Variants in KDM4E observed in about 807,000 individuals in gnomAD.
KDM4E encodes lysine-specific demethylase 4E.
For synonymous variants in KDM4E, 229 were observed against 232.9 expected (o/e 0.98, Z 0.15); for missense variants, 576 against 642.6 (o/e 0.90, Z 1.12).
rs557908104 is a variant in KDM4E at position 95,025,944 on chromosome 11, T to C, written c.387T>C (p.Asn129=). The C allele has an allele frequency of 7.6e-6, 12 of 1,575,232 alleles. No homozygotes were observed. The Middle Eastern group carries it at 8.3e-4, about 109-fold the overall frequency. The part of the protein sequence containing the change: ...EQRYWKSHPG[N]PPIYGADISG... ...GATACTGGAAGAGCCACCCCGGTAA[T>C]CCACCAATTTATGGTGCTGATATCA... The change falls in exon 1 of 1, where the codon AAT becomes AAC. Residue 129 remains asparagine (N), a synonymous_variant. Coordinates refer to ENST00000450979, the MANE Select transcript of KDM4E (RefSeq NM_001161630.1).
rs1471214033 is a variant in KDM4E at position 95,025,274 on chromosome 11, G to A, written c.-284G>A. 1 of 377,186 alleles carries A rather than the reference G, an allele frequency of 2.7e-6. No individual in the cohort carries two copies. The highest frequency in any genetic ancestry group is 4.7e-6 in the Non-Finnish European group (1 of 212,786). 23.4% of individuals were successfully genotyped at this position (377,186 alleles called of 1,614,324 possible). A position where few individuals can be genotyped will look rare whatever the true frequency, so the allele number is the denominator to read the frequency against. ...CTAGTGCACCCAAGCCTGAGAATCA[G>A]GAGAAGCCTCACAGTGACACCCCCA... On this transcript the variant is annotated 5_prime_UTR_variant, in exon 1 of 1. Coordinates refer to ENST00000450979, the MANE Select transcript of KDM4E (RefSeq NM_001161630.1).
Position 95,026,493 on chromosome 11 carries a change from G to T in KDM4E, c.936G>T (p.Ser312=). 1 of 1,597,240 alleles carries T rather than the reference G, an allele frequency of 6.3e-7. No homozygotes were observed. ...CCTCTCAGTGTAGCTGTGGGGAGTC[G>T]ACAGTGACCTTTTCCATGGACCCCT... is the stretch of plus-strand genomic sequence containing the variant. ...KMASQCSCGE[S]TVTFSMDPFV... is the part of the protein sequence containing the mutation. Residue 312 remains serine, a synonymous_variant, in exon 1 of 1, where the codon TCG becomes TCT. Transcript: ENST00000450979.
chr11:95,026,920 C>G lies in KDM4E; in HGVS notation c.1363C>G (p.Arg455Gly). Reference sequence around the variant, plus strand: ...TCAAGGTCGAGGTTGCAGTCGTGGTCGTGGTCATGGTTGTTGTACTCGAGA... The same window carrying G: ...TCAAGGTCGAGGTTGCAGTCGTGGTGGTGGTCATGGTTGTTGTACTCGAGA... ...QGQGRGCSRG[R>G]GHGCCTRELG... Residue 455 changes from arginine to glycine, a missense_variant, in exon 1 of 1, where the codon CGT becomes GGT. Physicochemically the swap from Arg to Gly is moderately radical, Grantham distance 125 (BLOSUM62 -2). Transcript: ENST00000450979. 2 of 1,537,156 alleles carry G rather than the reference C, an allele frequency of 1.3e-6. No homozygotes were observed. Among genetic ancestry groups the G allele is most frequent in the Non-Finnish European group, 1.7e-6 (2 of 1,146,882 alleles).
At position 95,026,335 on chromosome 11, in the gene KDM4E, T is replaced by C. The variant is rs782153237; in HGVS notation, c.778T>C (p.Cys260Arg). ...VLKENGIPFN[C>R]MTQEAGEFMV... ...CAAGGAAAATGGGATTCCCTTCAAT[T>C]GCATGACTCAGGAGGCTGGGGAGTT... Residue 260 changes from cysteine (C) to arginine (R), a missense_variant, in exon 1 of 1, where the codon TGC (cysteine) becomes CGC (arginine). Coordinates refer to ENST00000450979, the MANE Select transcript of KDM4E (RefSeq NM_001161630.1). 17 of 1,613,976 alleles carry C rather than the reference T, an allele frequency of 1.1e-5. No individual in the cohort carries two copies. Among genetic ancestry groups the C allele is most frequent in the African/African-American group, 5.3e-5 (4 of 74,916 alleles).
In KDM4E at chr11:95,026,915, G is replaced by A. The variant is rs1210070611; in HGVS notation, c.1358G>A (p.Arg453His). 25 of 1,537,068 alleles carry A rather than the reference G, an allele frequency of 1.6e-5. No individual in the cohort carries two copies. The highest frequency in any genetic ancestry group is 5.9e-5 in the Admixed American group (3 of 50,980). ...RGQGQGRGCS[R>H]GRGHGCCTRE... is the part of the protein sequence containing the mutation. ...CAAGGTCAAGGTCGAGGTTGCAGTCGTGGTCGTGGTCATGGTTGTTGTACT... is the reference window on the plus strand; with the variant it reads ...CAAGGTCAAGGTCGAGGTTGCAGTCATGGTCGTGGTCATGGTTGTTGTACT... Residue 453 changes from arginine to histidine, a missense_variant, in exon 1 of 1, where the codon CGT becomes CAT. Arg to His is a conservative substitution (Grantham distance 29). Coordinates refer to ENST00000450979, the MANE Select transcript of KDM4E (RefSeq NM_001161630.1).
At position 95,026,538 on chromosome 11, in the gene KDM4E, C is replaced by T. The variant is rs782576842; in HGVS notation, c.981C>T (p.Pro327=). The T allele has an allele frequency of 3.1e-5, 48 of 1,552,606 alleles. No individual in the cohort carries two copies. Among genetic ancestry groups the T allele is most frequent in the Non-Finnish European group, 3.6e-5 (41 of 1,154,766 alleles). Residue 327 remains proline, a synonymous_variant, in exon 1 of 1, where the codon CCC becomes CCT. Coordinates refer to ENST00000450979, the MANE Select transcript of KDM4E (RefSeq NM_001161630.1). ...ACCCCTTTGTGCGCATTGTGCAACC[C>T]GAGAGTTATGAGCTCTGGAAACACA... The part of the protein sequence containing the change: ...SMDPFVRIVQ[P]ESYELWKHRQ...
At position 95,026,457 on chromosome 11, in the gene KDM4E, T is replaced by C. The variant is rs782499208; in HGVS notation, c.900T>C (p.Tyr300=). The change falls in exon 1 of 1, where the codon TAT becomes TAC. Residue 300 remains tyrosine, a synonymous_variant. Transcript: ENST00000450979. The part of the protein sequence containing the change: ...INFATPRWID[Y]GKMASQCSCG... Reference sequence around the variant, plus strand: ...TTGCCACTCCACGATGGATTGATTATGGCAAAATGGCCTCTCAGTGTAGCT... The same window carrying C: ...TTGCCACTCCACGATGGATTGATTACGGCAAAATGGCCTCTCAGTGTAGCT... The C allele has an allele frequency of 4.3e-6, 7 of 1,609,434 alleles. No individual in the cohort carries two copies. The South Asian group carries it at 4.4e-5, about 10-fold the overall frequency.
chr11:95,026,951 G>A lies in KDM4E; in HGVS notation c.1394G>A (p.Gly465Glu), dbSNP rs782157225. The A allele has an allele frequency of 2.0e-5, 31 of 1,537,174 alleles. No homozygotes were observed. The South Asian group carries it at 3.0e-4, about 15-fold the overall frequency. ...RGHGCCTREL[G>E]TEEPTVQPAS... ...CATGGTTGTTGTACTCGAGAACTGG[G>A]GACTGAGGAGCCAACTGTTCAGCCT... Residue 465 changes from glycine to glutamate, a missense_variant, in exon 1 of 1, where the codon GGG becomes GAG. Transcript: ENST00000450979.
rs538974840 is a variant in KDM4E at position 95,026,879 on chromosome 11, G to T, written c.1322G>T (p.Arg441Leu). 7.8e-6 allele frequency: 12 copies of T among 1,537,170 alleles called. No individual in the cohort carries two copies. Among genetic ancestry groups the T allele is most frequent in the Non-Finnish European group, 6.1e-6 (7 of 1,146,892 alleles). ...STGSWGSGRG[R>L]GRGQGQGRGC... ...GGAAGCTGGGGTTCTGGTCGTGGTC[G>T]TGGTCGTGGTCAAGGTCAAGGTCGA... The change falls in exon 1 of 1, where the codon CGT (arginine) becomes CTT (leucine). Residue 441 changes from arginine to leucine, a missense_variant. Arg to Leu is a moderately radical substitution (Grantham distance 102). Coordinates refer to ENST00000450979, the MANE Select transcript of KDM4E (RefSeq NM_001161630.1).
rs1555102921 is a variant in KDM4E at position 95,026,575 on chromosome 11, G to A, written c.1018G>A (p.Ala340Thr). 1.3e-6 allele frequency: 2 copies of A among 1,538,746 alleles called. No homozygotes were observed. Among genetic ancestry groups the A allele is most frequent in the Non-Finnish European group, 1.7e-6 (2 of 1,147,574 alleles). ...YELWKHRQDL[A>T]IVEHTEPRVA... ...GCTCTGGAAACACAGGCAAGACTTG[G>A]CCATTGTGGAACACACAGAGCCCAG... Residue 340 changes from alanine to threonine, a missense_variant, in exon 1 of 1, where the codon GCC becomes ACC. By Grantham distance (58) the Ala-to-Thr change is moderately conservative (BLOSUM62 0). Transcript: ENST00000450979.
rs1555102906 is a variant in KDM4E, at chr11:95,026,535, A to AC, written c.981dup (p.Glu328ArgfsTer4). 7 of 1,555,598 alleles carry AC rather than the reference A, an allele frequency of 4.5e-6. No individual in the cohort carries two copies. Among genetic ancestry groups the AC allele is most frequent in the Non-Finnish European group, 6.1e-6 (7 of 1,156,320 alleles). On this transcript the variant is annotated frameshift_variant, in exon 1 of 1. Transcript: ENST00000450979. LOFTEE classifies it low-confidence loss of function (END_TRUNC). ...TGGACCCCTTTGTGCGCATTGTGCA[A>AC]CCCGAGAGTTATGAGCTCTGGAAAC...
At position 95,025,637 on chromosome 11, in the gene KDM4E, A is replaced by C; in HGVS notation, c.80A>C (p.Asp27Ala). 6.5e-7 allele frequency: 1 copy of C among 1,538,526 alleles called. No individual in the cohort carries two copies. Among genetic ancestry groups the C allele is most frequent in the Non-Finnish European group, 8.7e-7 (1 of 1,147,436 alleles). Residue 27 changes from aspartate to alanine, a missense_variant, in exon 1 of 1, where the codon GAT (aspartate) becomes GCT (alanine). By Grantham distance (126) the Asp-to-Ala change is moderately radical (BLOSUM62 -2). Transcript: ENST00000450979. ...TACCCAACCATGGAAGAATTTGCAGATTTCAACACATATGTTGCTTACATG... is the reference window on the plus strand; with the variant it reads ...TACCCAACCATGGAAGAATTTGCAGCTTTCAACACATATGTTGCTTACATG... ...TFYPTMEEFA[D>A]FNTYVAYMES... is the part of the protein sequence containing the mutation.
At position 95,025,938 on chromosome 11, in the gene KDM4E, C is replaced by T. The variant is rs781915167; in HGVS notation, c.381C>T (p.Pro127=). 2.2e-5 allele frequency: 35 copies of T among 1,572,150 alleles called. No homozygotes were observed. Among genetic ancestry groups the T allele is most frequent in the Admixed American group, 2.2e-4 (12 of 54,808 alleles). ...DLEQRYWKSH[P]GNPPIYGADI... ...AGCAACGATACTGGAAGAGCCACCC[C>T]GGTAATCCACCAATTTATGGTGCTG... Residue 127 remains proline, a synonymous_variant, in exon 1 of 1, where the codon CCC becomes CCT. Transcript: ENST00000450979.
Position 95,027,134 on chromosome 11 carries a change from T to G in KDM4E, c.*56T>G. On this transcript the variant is annotated 3_prime_UTR_variant, in exon 1 of 1. Transcript: ENST00000450979. ...CTGGCTGCTGCTGTGTCCCTGATCT[T>G]CAACTCCTGGGGCCCCCACTGGATC... is the stretch of plus-strand genomic sequence containing the variant. The G allele has an allele frequency of 6.6e-7, 1 of 1,513,070 alleles. No individual in the cohort carries two copies. The highest frequency in any genetic ancestry group is 8.8e-7 in the Non-Finnish European group (1 of 1,135,092). 93.7% of individuals were successfully genotyped at this position (1,513,070 alleles called of 1,614,324 possible). A position where few individuals can be genotyped will look rare whatever the true frequency, so the allele number is the denominator to read the frequency against.
chr11:95,026,625 C>T lies in KDM4E; in HGVS notation c.1068C>T (p.Ser356=), dbSNP rs1311823092. 1.3e-6 allele frequency: 2 copies of T among 1,537,168 alleles called. No homozygotes were observed. The part of the protein sequence containing the change: ...EPRVAESQEL[S]NWRDDIVLRR... ...GGGTTGCAGAAAGCCAAGAGCTGAG[C>T]AACTGGAGAGATGATATAGTACTTA... Residue 356 remains serine, a synonymous_variant, in exon 1 of 1, where the codon AGC becomes AGT. Transcript: ENST00000450979.
At position 95,025,808 on chromosome 11, in the gene KDM4E, C is replaced by T. The variant is rs1555102629; in HGVS notation, c.251C>T (p.Thr84Ile). Residue 84 changes from threonine (T) to isoleucine (I), a missense_variant, in exon 1 of 1, where the codon ACT (threonine) becomes ATT (isoleucine). Coordinates refer to ENST00000450979, the MANE Select transcript of KDM4E (RefSeq NM_001161630.1). ...QVTSGQGGVF[T>I]QYHKKKKAMR... ...ACCTCTGGGCAGGGAGGTGTGTTTACTCAATACCATAAAAAGAAGAAAGCC... is the reference window on the plus strand; with the variant it reads ...ACCTCTGGGCAGGGAGGTGTGTTTATTCAATACCATAAAAAGAAGAAAGCC... 6.3e-6 allele frequency: 10 copies of T among 1,591,840 alleles called. No individual in the cohort carries two copies. The highest frequency in any genetic ancestry group is 4.5e-5 in the East Asian group (2 of 44,166).
chr11:95,025,942 AATCCACCAAT>A lies in KDM4E; in HGVS notation c.386_395del (p.Asn129IlefsTer20), dbSNP rs1411137904. On this transcript the variant is annotated frameshift_variant, in exon 1 of 1. Coordinates refer to ENST00000450979, the MANE Select transcript of KDM4E (RefSeq NM_001161630.1). LOFTEE classifies it low-confidence loss of function (END_TRUNC). ...ACGATACTGGAAGAGCCACCCCGGT[AATCCACCAAT>A]TTATGGTGCTGATATCAGCGGCTCC... The A allele has an allele frequency of 6.4e-7, 1 of 1,574,532 alleles. No homozygotes were observed. Among genetic ancestry groups the A allele is most frequent in the East Asian group, 2.3e-5 (1 of 42,870 alleles).
chr11:95,026,236 C>G lies in KDM4E; in HGVS notation c.679C>G (p.Leu227Val), dbSNP rs1555102792. 6.2e-7 allele frequency: 1 copy of G among 1,614,042 alleles called. No homozygotes were observed. The highest frequency in any genetic ancestry group is 1.1e-5 in the South Asian group (1 of 91,088). Residue 227 changes from leucine (L) to valine (V), a missense_variant, in exon 1 of 1, where the codon CTC becomes GTC. Leu to Val is a conservative substitution (Grantham distance 32). Transcript: ENST00000450979. ...GQHLERLARE[L>V]FPDISRGCEA... ...GCACCTGGAACGCCTGGCCAGGGAG[C>G]TCTTCCCAGACATTTCTCGGGGCTG...
In KDM4E at chr11:95,027,064, A is replaced by C. The variant is rs188698061; in HGVS notation, c.1507A>C (p.Asn503His). Residue 503 changes from asparagine (N) to histidine (H), a missense_variant, in exon 1 of 1, where the codon AAT becomes CAT. Coordinates refer to ENST00000450979, the MANE Select transcript of KDM4E (RefSeq NM_001161630.1). ...QLPLANDLMT[N>H]LSL ...CCCGCTTGCCAATGATTTGATGACAAATCTGTCCCTTTGAGTGGTGGCCTT... is the reference window on the plus strand; with the variant it reads ...CCCGCTTGCCAATGATTTGATGACACATCTGTCCCTTTGAGTGGTGGCCTT... 6.5e-7 allele frequency: 1 copy of C among 1,536,882 alleles called. No individual in the cohort carries two copies. The highest frequency in any genetic ancestry group is 1.2e-5 in the South Asian group (1 of 84,042).
Sources: gnomAD v4.1 joint callset for allele counts on GRCh38, gnomAD v4.1.1 for gene constraint, MANE v1.5 for transcripts, NCBI Gene and HGNC (gene_info 2026-07-23, HGNC 2026-07-21) for gene names.